Variants in PTGFR observed in about 807,000 individuals in gnomAD.
PTGFR encodes prostaglandin F receptor, also known as prostaglandin F2-alpha receptor.
Under a neutral mutation model 26.2 loss-of-function variants are expected in PTGFR, and 15 were observed. The observed-to-expected ratio is 0.57, with a 90% CI of 0.38 to 0.88. The LOEUF is 0.88. Ranked by LOEUF, PTGFR falls within the 40% of genes least tolerant of loss-of-function variation. The probability of loss-of-function intolerance (pLI) is 0.00; values close to 1 mark genes in which losing one functional copy is unlikely to be tolerated. For synonymous variants in PTGFR, 165 were observed against 151.1 expected (o/e 1.09, Z -0.68); for missense variants, 369 against 427.2 (o/e 0.86, Z 1.20).
chr1:78,515,400 T>C (rs1312287877), intron 2 of PTGFR, among the ~76,000 whole-genome samples: 2 of 152,212 alleles, frequency 1.3e-5, no homozygotes, highest in Non-Finnish European at 2.9e-5. Context: ...CAAATATGAA[T>C]ACTGGTTAAG....
intron 2 of PTGFR, among the ~76,000 whole-genome samples, chr1:78,510,148 A>G (rs1649929592): frequency 6.6e-6 from 1 of 152,152 alleles, no homozygotes; most frequent in Non-Finnish European, 1.5e-5. Flanking sequence ...GTCCTGAGGG[A>G]CTTCTCTGCT....
intron 2 of PTGFR, among the ~76,000 whole-genome samples, chr1:78,495,774 T>G (rs562966125): frequency 3.3e-4 from 51 of 152,240 alleles, no homozygotes; most frequent in Non-Finnish European, 4.9e-4. Flanking sequence ...ATATTTTGAA[T>G]GTATGTTTTT....
intron 2 of PTGFR, among the ~76,000 whole-genome samples, chr1:78,504,070 T>C (rs1020511085): frequency 6.6e-6 from 1 of 152,186 alleles, no homozygotes; most frequent in African/African-American, 2.4e-5. Context: ...GGGAACTCTG[T>C]TGGAAAGGTG....
rs1650740764 is a variant in PTGFR at position 78,539,492 on chromosome 1, T to G, written c.*2805T>G. ...ATTTTATTACTTCTTAATCTGGGTG[T>G]CAAAGATTTTACCACCTGGTAAATA... On this transcript the variant is annotated 3_prime_UTR_variant, in exon 3 of 3. Coordinates refer to ENST00000370757, the MANE Select transcript of PTGFR (RefSeq NM_000959.4). 6.6e-6 allele frequency: 1 copy of G among 152,550 alleles called. No individual in the cohort carries two copies. The highest frequency in any genetic ancestry group is 1.5e-5 in the Non-Finnish European group (1 of 68,002). 9.4% of individuals were successfully genotyped at this position (152,550 alleles called of 1,614,324 possible). A position where few individuals can be genotyped will look rare whatever the true frequency, so the allele number is the denominator to read the frequency against.
chr1:78,530,362 G>A (rs972882919), intron 2 of PTGFR, among the ~76,000 whole-genome samples: 5 of 152,104 alleles, frequency 3.3e-5, no homozygotes, highest in Non-Finnish European at 7.4e-5. Flanking sequence ...ACATTTATTA[G>A]TACCAGTTCC....
At chr1:78,527,999 G>C (rs949441560) in intron 2 of PTGFR, among the ~76,000 whole-genome samples, 5 of 152,062 alleles carry the variant, frequency 3.3e-5, no homozygotes, top group African/African-American at 1.2e-4. Context: ...AAATTGTCAG[G>C]AGAAAATTAT....
At chr1:78,495,937 T>A (rs1649537472) in intron 2 of PTGFR, among the ~76,000 whole-genome samples, 1 of 152,262 alleles carries the variant, frequency 6.6e-6, no homozygotes, top group Admixed American at 6.5e-5. Context: ...ATTATTGATA[T>A]ATCTGTGTCA....
Position 78,536,460 on chromosome 1 carries a change from A to G in PTGFR, c.853A>G (p.Thr285Ala). The G allele has an allele frequency of 6.2e-7, 1 of 1,613,238 alleles. No homozygotes were observed. The highest frequency in any genetic ancestry group is 8.5e-7 in the Non-Finnish European group (1 of 1,179,488). Residue 285 changes from threonine (T) to alanine (A), a missense_variant, in exon 3 of 3, where the codon ACA (threonine) becomes GCA (alanine). Physicochemically the swap from Thr to Ala is moderately conservative, Grantham distance 58. Coordinates refer to ENST00000370757, the MANE Select transcript of PTGFR (RefSeq NM_000959.4). The part of the protein sequence containing the change: ...NGNHSLETCE[T>A]TLFALRMATW... ...AAATCATTCTCTGGAAACCTGTGAAACAACACTTTTTGCTCTCCGAATGGC... is the reference window on the plus strand; with the variant it reads ...AAATCATTCTCTGGAAACCTGTGAAGCAACACTTTTTGCTCTCCGAATGGC...
intron 2 of PTGFR, among the ~76,000 whole-genome samples, chr1:78,505,445 TG>T (rs1649806858): frequency 6.6e-6 from 1 of 152,182 alleles, no homozygotes; most frequent in Non-Finnish European, 1.5e-5. Context: ...TAAAAATTTT[TG>T]TTTCTACTGT....
At position 78,536,193 on chromosome 1, in the gene PTGFR, C is replaced by T. The variant is rs528471859; in HGVS notation, c.799-213C>T. Among the ~76,000 whole-genome samples the T allele has an allele frequency of 4.6e-5, 7 of 152,224 alleles. No homozygotes were observed. In the South Asian group the frequency reaches 1.5e-3, roughly 32 times the overall value. ...ATATTTGACTTACTATAGAAGTTAT[C>T]ATTTTTGTAGGTCTAATGTCAATTT... On this transcript the variant is annotated intron_variant, in intron 2 of 2. Coordinates refer to ENST00000370757, the MANE Select transcript of PTGFR (RefSeq NM_000959.4).
At chr1:78,532,092 C>A in intron 2 of PTGFR, 1 of 325,132 alleles carries the variant, frequency 3.1e-6, no homozygotes, top group Admixed American at 4.3e-5. Flanking sequence ...GGGAACATGG[C>A]ATGTTTTTGG....
chr1:78,529,025 A>C (rs1650443701), intron 2 of PTGFR, among the ~76,000 whole-genome samples: 1 of 152,210 alleles, frequency 6.6e-6, no homozygotes, highest in Non-Finnish European at 1.5e-5. Context: ...ACATTTCAAT[A>C]AGTAGATAGA....
chr1:78,497,821 A>T, intron 2 of PTGFR: 1 of 1,245,310 alleles, frequency 8.0e-7, no homozygotes, highest in Non-Finnish European at 1.2e-6. Flanking sequence ...ACGCTATTAA[A>T]CTTCAGCTGT....
chr1:78,524,209 C>A (rs1268037271), intron 2 of PTGFR, among the ~76,000 whole-genome samples: 1 of 151,996 alleles, frequency 6.6e-6, no homozygotes, highest in Admixed American at 6.6e-5. Context: ...TCTTTAAACC[C>A]CCATCCCTTC....
intron 2 of PTGFR, among the ~76,000 whole-genome samples, chr1:78,512,876 G>A (rs1348746961): frequency 6.6e-6 from 1 of 151,926 alleles, no homozygotes; most frequent in African/African-American, 2.4e-5. Flanking sequence ...GGTTGTTTCA[G>A]AGTGTGGGAC....
intron 2 of PTGFR, among the ~76,000 whole-genome samples, chr1:78,500,552 C>T (rs377073698): frequency 3.3e-5 from 5 of 152,192 alleles, no homozygotes; most frequent in Admixed American, 1.3e-4. Context: ...CTTGCTGAGG[C>T]GTCTGTTGAG....
rs1650606384 is a variant in PTGFR, at chr1:78,534,798, C to T, written c.799-1608C>T. Among the ~76,000 whole-genome samples the T allele has an allele frequency of 3.3e-5, 5 of 151,976 alleles. No homozygotes were observed. In the South Asian group the frequency reaches 8.3e-4, roughly 25 times the overall value. Reference sequence around the variant, plus strand: ...CAAACATTAAAGTCCGCATATATCTCAATTATGTGAAAGTGTTATAATTTA... The same window carrying T: ...CAAACATTAAAGTCCGCATATATCTTAATTATGTGAAAGTGTTATAATTTA... On this transcript the variant is annotated intron_variant, in intron 2 of 2. Transcript: ENST00000370757.
At chr1:78,510,260 G>A (rs1649933167) in intron 2 of PTGFR, among the ~76,000 whole-genome samples, 1 of 152,162 alleles carries the variant, frequency 6.6e-6, no homozygotes, top group African/African-American at 2.4e-5. Context: ...TATTGAGACT[G>A]CGTAGTTTAT....
intron 2 of PTGFR, among the ~76,000 whole-genome samples, chr1:78,522,544 A>G (rs1241834852): frequency 5.9e-5 from 9 of 152,014 alleles, no homozygotes; most frequent in Non-Finnish European, 1.3e-4. Flanking sequence ...GCATATACAC[A>G]TGTATTAGAG....
Sources: gnomAD v4.1 joint callset for allele counts (sites outside exome capture counted in the v4.1 genomes callset) on GRCh38, gnomAD v4.1.1 for gene constraint, MANE v1.5 for transcripts, NCBI Gene and HGNC (gene_info 2026-07-23, HGNC 2026-07-21) for gene names.